SBF2: variants seen among roughly 807,000 people sequenced by gnomAD.
The protein encoded by SBF2 is SET binding factor 2, also known as myotubularin-related protein 13.
SBF2 carries 112 observed loss-of-function variants against 225.2 expected under a neutral mutation model. The observed-to-expected ratio is 0.50, with a 90% CI of 0.43 to 0.58. The LOEUF is 0.58. Among genes scored for constraint, SBF2 ranks in the 20% least tolerant of loss-of-function variants. The pLI, the probability that SBF2 is intolerant of heterozygous loss-of-function variation, is 0.00. For synonymous variants in SBF2, 763 were observed against 773.3 expected, an observed-to-expected ratio of 0.99 and a Z score of 0.22; for missense variants, 1,996 against 2,206.2, an observed-to-expected ratio of 0.90 and a Z score of 1.91.
At chr11:9,926,366 G>T (rs1282009605) in intron 16 of SBF2, among the ~76,000 whole-genome samples, 1 of 150,936 alleles carries the variant, frequency 6.6e-6, no homozygotes, top group Non-Finnish European at 1.5e-5. Flanking sequence ...CCATTGGAAA[G>T]ACTGAAAATC....
chr11:10,233,301 A>G (rs1022352100), intron 1 of SBF2, among the ~76,000 whole-genome samples: 8 of 152,160 alleles, frequency 5.3e-5, no homozygotes, highest in African/African-American at 9.6e-5. Flanking sequence ...CACATGTATC[A>G]TAAGTATTAT....
At chr11:10,276,706 T>G (rs1962982840) in intron 1 of SBF2, among the ~76,000 whole-genome samples, 1 of 152,192 alleles carries the variant, frequency 6.6e-6, no homozygotes, top group South Asian at 2.1e-4. Flanking sequence ...AGTGTAACCA[T>G]GAAGAGTCAA....
chr11:10,270,451 T>A (rs971041583), intron 1 of SBF2, among the ~76,000 whole-genome samples: 3 of 152,178 alleles, frequency 2.0e-5, no homozygotes, highest in Non-Finnish European at 4.4e-5. Flanking sequence ...AAGCAGATCA[T>A]CACAAAGGTC....
intron 1 of SBF2, among the ~76,000 whole-genome samples, chr11:10,301,960 A>G (rs1030362791): frequency 2.6e-5 from 4 of 152,250 alleles, no homozygotes. Flanking sequence ...CACACAAAAA[A>G]AGTAGATCTT....
chr11:9,784,427 C>T lies in SBF2; in HGVS notation c.5243G>A (p.Gly1748Glu). Residue 1748 changes from glycine (G) to glutamate (E), a missense_variant, in exon 38 of 40, where the codon GGA (glycine) becomes GAA (glutamate). By Grantham distance (98) the Gly-to-Glu change is moderately conservative. Transcript: ENST00000256190. Reference sequence around the variant, plus strand: ...CAAAGCCCCTCTTTTATAAAGTGTTCCCTCAAAGGACCTAGAAGAAATGAT... The same window carrying T: ...CAAAGCCCCTCTTTTATAAAGTGTTTCCTCAAAGGACCTAGAAGAAATGAT... ...SKNDENRSFE[G>E]TLYKRGALLK... The T allele has an allele frequency of 6.2e-7, 1 of 1,613,608 alleles. No homozygotes were observed. The highest frequency in any genetic ancestry group is 1.1e-5 in the South Asian group (1 of 91,076).
chr11:10,252,575 G>A (rs982949062), intron 1 of SBF2, among the ~76,000 whole-genome samples: 2 of 152,112 alleles, frequency 1.3e-5, no homozygotes, highest in Admixed American at 6.5e-5. Flanking sequence ...AGGCCAAGGC[G>A]GGCAGATCAC....
At chr11:10,040,127 T>C (rs1304069013) in intron 3 of SBF2, among the ~76,000 whole-genome samples, 1 of 152,030 alleles carries the variant, frequency 6.6e-6, no homozygotes, top group Non-Finnish European at 1.5e-5. Flanking sequence ...TAGGGGAACA[T>C]GATTGATGAA....
intron 16 of SBF2, among the ~76,000 whole-genome samples, chr11:9,940,710 T>C (rs900001754): frequency 6.6e-6 from 1 of 152,154 alleles, no homozygotes; most frequent in Non-Finnish European, 1.5e-5. Context: ...CAAGAAAATA[T>C]TGCTGAGATA....
chr11:10,109,187 G>GTATATATATA (rs58064960), intron 2 of SBF2, among the ~76,000 whole-genome samples: 32 of 150,084 alleles, frequency 2.1e-4, no homozygotes, highest in South Asian at 1.3e-3. Context: ...AGGTATGTGT[G>GTATATATATA]TATATATATA....
intron 16 of SBF2, among the ~76,000 whole-genome samples, chr11:9,932,878 G>A (rs924656906): frequency 7.0e-6 from 1 of 142,818 alleles, no homozygotes; most frequent in Non-Finnish European, 1.5e-5. Context: ...GCTCTATTCA[G>A]GAGACCCATC....
At chr11:10,238,864 G>A (rs1959171781) in intron 1 of SBF2, among the ~76,000 whole-genome samples, 1 of 150,944 alleles carries the variant, frequency 6.6e-6, no homozygotes, top group South Asian at 2.2e-4. Context: ...GGTGAGCCGA[G>A]ATTGCCCCAC....
chr11:9,835,143 T>C (rs946150230), intron 26 of SBF2, among the ~76,000 whole-genome samples: 2 of 152,150 alleles, frequency 1.3e-5, no homozygotes, highest in Admixed American at 6.5e-5. Flanking sequence ...CACAGTTAAC[T>C]CTCAAGAGGT....
chr11:9,967,935 GTCTGTCTGTCTGTC>G (rs1272256148), intron 14 of SBF2, among the ~76,000 whole-genome samples: 77 of 114,582 alleles, frequency 6.7e-4, no homozygotes, highest in Non-Finnish European at 8.9e-4. Context: ...CTGTCTGTCT[GTCTGTCTGTCTGTC>G]TCTCTCTCTC....
chr11:9,904,868 A>G, intron 16 of SBF2, among the ~76,000 whole-genome samples: 1 of 152,140 alleles, frequency 6.6e-6, no homozygotes, highest in Non-Finnish European at 1.5e-5. Flanking sequence ...ACAAATTATT[A>G]AAAATTAGTT....
intron 16 of SBF2, among the ~76,000 whole-genome samples, chr11:9,949,218 C>A (rs1257393598): frequency 6.6e-6 from 1 of 152,096 alleles, no homozygotes; most frequent in Non-Finnish European, 1.5e-5. Flanking sequence ...ATAGGCTAAT[C>A]TTATATTTGA....
intron 16 of SBF2, among the ~76,000 whole-genome samples, chr11:9,950,333 G>T (rs911700748): frequency 1.3e-5 from 2 of 152,138 alleles, no homozygotes; most frequent in African/African-American, 4.8e-5. Flanking sequence ...CCATTTCACT[G>T]TTGAAAAGTT....
intron 6 of SBF2, among the ~76,000 whole-genome samples, chr11:10,004,049 T>C (rs1315633980): frequency 6.6e-6 from 1 of 152,304 alleles, no homozygotes; most frequent in East Asian, 1.9e-4. Context: ...TTCCAACTTA[T>C]CCCATGTGAT....
intron 2 of SBF2, among the ~76,000 whole-genome samples, chr11:10,168,084 A>C (rs1419274164): frequency 2.0e-5 from 3 of 152,200 alleles, no homozygotes; most frequent in Non-Finnish European, 4.4e-5. Context: ...GTTTTTTTAC[A>C]GTACTTATCA....
At chr11:10,191,854 C>T (rs1957187447) in intron 2 of SBF2, among the ~76,000 whole-genome samples, 1 of 152,160 alleles carries the variant, frequency 6.6e-6, no homozygotes, top group South Asian at 2.1e-4. Flanking sequence ...GGTATCTATT[C>T]TCTTGGTTTT....
Sources: gnomAD v4.1 joint callset for allele counts (sites outside exome capture counted in the v4.1 genomes callset) on GRCh38, gnomAD v4.1.1 for gene constraint, MANE v1.5 for transcripts, NCBI Gene and HGNC (gene_info 2026-07-23, HGNC 2026-07-21) for gene names.